Variants in SYAP1 observed in about 807,000 individuals in gnomAD.
SYAP1 encodes synapse-associated protein 1.
In SYAP1, 3 loss-of-function variants were observed where a neutral mutation model predicts 29.6. That is an observed-to-expected ratio of 0.10 (90% CI 0.05 to 0.26). The LOEUF (loss-of-function observed/expected upper bound fraction) is 0.26, where lower values mean the gene tolerates loss of function less well. SYAP1 is among the 10% of genes least tolerant of loss of function. The pLI, the probability that SYAP1 is intolerant of heterozygous loss-of-function variation, is 1.00. For missense variants in SYAP1, 217 were observed against 264.1 expected (o/e 0.82, Z 1.24); for synonymous variants, 102 against 102.7 (o/e 0.99, Z 0.04).
At chrX:16,749,045 G>A (rs1472186444) in intron 5 of SYAP1, among the ~76,000 whole-genome samples, 4 of 108,104 alleles carry the variant, frequency 3.7e-5, no homozygotes, top group Non-Finnish European at 5.7e-5. Flanking sequence ...GTGAACCTCC[G>A]TGCCTGGCCG....
At chrX:16,729,060 A>T (rs1421612651) in intron 1 of SYAP1, among the ~76,000 whole-genome samples, 2 of 110,613 alleles carry the variant, frequency 1.8e-5, no homozygotes, top group African/African-American at 6.6e-5. Context: ...AAGAAAAAAA[A>T]AAAGACACAA....
chrX:16,726,768 G>T (rs189615527), intron 1 of SYAP1, among the ~76,000 whole-genome samples: 77 of 111,736 alleles, frequency 6.9e-4, no homozygotes, highest in African/African-American at 2.4e-3. Flanking sequence ...AAGTAGAAGA[G>T]GTCAACTTGT....
chrX:16,723,493 G>T (rs189539234), intron 1 of SYAP1, among the ~76,000 whole-genome samples: 10 of 111,409 alleles, frequency 9.0e-5, no homozygotes, highest in African/African-American at 2.9e-4. Flanking sequence ...GAAGTGAGAA[G>T]AATTTTCTGA....
Position 16,719,837 on chromosome X carries a change from C to A in SYAP1, c.113C>A (p.Ala38Glu). The change falls in exon 1 of 9, where the codon GCG (alanine) becomes GAG (glutamate). Residue 38 changes from alanine to glutamate, a missense_variant. Physicochemically the swap from Ala to Glu is moderately radical, Grantham distance 107. Coordinates refer to ENST00000380155, the MANE Select transcript of SYAP1 (RefSeq NM_032796.4). Reference sequence around the variant, plus strand: ...CCGTCCGAGACGGTGGCTGAGTCTGCGGAGGAGGAGCTGCAGCAAGCGGGA... The same window carrying A: ...CCGTCCGAGACGGTGGCTGAGTCTGAGGAGGAGGAGCTGCAGCAAGCGGGA... Reference protein sequence around the residue: ...EQPSETVAESAEEELQQAGDQ... With the variant: ...EQPSETVAESEEEELQQAGDQ... 1 of 1,197,059 alleles carries A rather than the reference C, an allele frequency of 8.4e-7. No individual in the cohort carries two copies. The highest frequency in any genetic ancestry group is 1.1e-6 in the Non-Finnish European group (1 of 888,565).
chrX:16,735,029 A>AAAAAAAAAAAC (rs1926300585), intron 1 of SYAP1, among the ~76,000 whole-genome samples, 198 bp from the exon 2 acceptor site: 1 of 108,066 alleles, frequency 9.3e-6, no homozygotes. Flanking sequence ...AAAACAAAAA[A>AAAAAAAAAAAC]AGAGATGAAT....
chrX:16,748,760 CTT>C (rs146948101), intron 5 of SYAP1, among the ~76,000 whole-genome samples: 5 of 93,940 alleles, frequency 5.3e-5, no homozygotes, highest in Non-Finnish European at 6.4e-5. Context: ...TTTTTTTTTT[CTT>C]TTTTTTTTTT....
chrX:16,738,429 A>G (rs1453686977), intron 3 of SYAP1, among the ~76,000 whole-genome samples: 1 of 111,408 alleles, frequency 9.0e-6, no homozygotes, highest in East Asian at 2.8e-4. Flanking sequence ...AATAAATAAT[A>G]AAGATGCAGT....
At chrX:16,750,210 T>C (rs1045209482) in intron 5 of SYAP1, among the ~76,000 whole-genome samples, 2 of 111,987 alleles carry the variant, frequency 1.8e-5, no homozygotes, top group Non-Finnish European at 3.8e-5. Context: ...ATATCTTGTA[T>C]GTTTTTGATG....
intron 5 of SYAP1, among the ~76,000 whole-genome samples, chrX:16,747,678 A>T (rs1264104701): frequency 1.8e-5 from 2 of 113,120 alleles, no homozygotes; most frequent in Middle Eastern, 4.2e-3. Context: ...AATTTGTCAC[A>T]GGGCAACCTG....
chrX:16,759,313 C>T (rs373997237), intron 8 of SYAP1, among the ~76,000 whole-genome samples: 2 of 108,032 alleles, frequency 1.9e-5, no homozygotes, highest in South Asian at 4.1e-4. Context: ...TGCAGTGAGC[C>T]GAGACCACAC....
At chrX:16,721,231 G>C (rs1925952750) in intron 1 of SYAP1, among the ~76,000 whole-genome samples, 1 of 110,230 alleles carries the variant, frequency 9.1e-6, no homozygotes, top group African/African-American at 3.3e-5. Context: ...GAGTAAGAAA[G>C]GGCCGAACAG....
chrX:16,738,363 C>T (rs368364565), intron 3 of SYAP1, among the ~76,000 whole-genome samples: 47 of 111,796 alleles, frequency 4.2e-4, no homozygotes, highest in African/African-American at 1.4e-3. Flanking sequence ...TGCAGTGAAC[C>T]GCGATTGTGC....
intron 3 of SYAP1, among the ~76,000 whole-genome samples, chrX:16,737,104 G>A (rs1926347111): frequency 8.9e-6 from 1 of 111,953 alleles, no homozygotes; most frequent in Non-Finnish European, 1.9e-5. Flanking sequence ...TTTAGATTTG[G>A]CAAAAGTAGT....
At position 16,741,863 on chromosome X, in the gene SYAP1, G is replaced by A. The variant is rs895532131; in HGVS notation, c.435+74G>A. 6.8e-5 allele frequency: 50 copies of A among 731,194 alleles called. No individual in the cohort carries two copies. In the African/African-American group the frequency reaches 9.7e-4, roughly 14 times the overall value. The allele number at this position is 731,194 out of a possible 1,213,427, so 60.3% of individuals were successfully genotyped here. A position where few individuals can be genotyped will look rare whatever the true frequency, so the allele number is the denominator to read the frequency against. ...ATATATCTCTGTTGATGTGACTTTAGTAGAATTTATTTTTCTATACAGTTT... is the reference window on the plus strand; with the variant it reads ...ATATATCTCTGTTGATGTGACTTTAATAGAATTTATTTTTCTATACAGTTT... On this transcript the variant is annotated intron_variant, in intron 4 of 8. Transcript: ENST00000380155.
At chrX:16,743,897 G>A (rs1163488965) in intron 5 of SYAP1, 57 bp downstream of exon 5, 4 of 1,150,705 alleles carry the variant, frequency 3.5e-6, no homozygotes, top group Admixed American at 2.3e-5. Context: ...CTCAGTATCA[G>A]CACATAATGA....
chrX:16,759,239 C>T (rs1382299977), intron 8 of SYAP1, among the ~76,000 whole-genome samples: 3 of 106,941 alleles, frequency 2.8e-5, no homozygotes, highest in Non-Finnish European at 5.8e-5. Flanking sequence ...GTGGCAGGCA[C>T]CTGTAATCCC....
Position 16,743,803 on chromosome X carries a change from C to G in SYAP1, c.538C>G (p.Leu180Val), listed in dbSNP as rs1926532522. 8.3e-7 allele frequency: 1 copy of G among 1,208,670 alleles called. No individual in the cohort carries two copies. The highest frequency in any genetic ancestry group is 1.1e-6 in the Non-Finnish European group (1 of 894,797). The change falls in exon 5 of 9, where the codon CTG becomes GTG. Residue 180 changes from leucine (L) to valine (V), a missense_variant. Leu to Val is a conservative substitution (Grantham distance 32). Coordinates refer to ENST00000380155, the MANE Select transcript of SYAP1 (RefSeq NM_032796.4). ...VALVMLQEDE[L>V]LSKMRFALVP... ...CCTGGTCATGCTCCAGGAGGATGAG[C>G]TGCTAAGCAAGATGAGATTTGCCCT...
intron 2 of SYAP1, among the ~76,000 whole-genome samples, 161 bp downstream of exon 2, chrX:16,735,506 CAAGT>C (rs1314568338): frequency 5.3e-5 from 6 of 112,214 alleles, no homozygotes; most frequent in African/African-American, 1.9e-4. Flanking sequence ...CTTTGAATAA[CAAGT>C]AAGTATCATT....
At chrX:16,736,570 C>CCTG in intron 3 of SYAP1, 1 of 134,169 alleles carries the variant, frequency 7.5e-6, no homozygotes, top group African/African-American at 3.1e-5. Flanking sequence ...ATGGCGTGAT[C>CCTG]TCAGCTCACT....
Sources: allele counts gnomAD v4.1 joint callset (sites outside exome capture counted in the v4.1 genomes callset), GRCh38; gene constraint gnomAD v4.1.1; transcripts MANE v1.5; gene names NCBI Gene and HGNC (gene_info 2026-07-23, HGNC 2026-07-21).